GRIP2: variants seen among roughly 807,000 people sequenced by gnomAD.
The protein encoded by GRIP2 is glutamate receptor-interacting protein 2.
GRIP2 carries 58 observed loss-of-function variants against 108.3 expected under a neutral mutation model. The ratio of observed to expected loss-of-function variants is 0.54; its 90% confidence interval spans 0.43 to 0.67. GRIP2 has a LOEUF of 0.67. GRIP2 is among the 30% of genes least tolerant of loss of function. The pLI, the probability that GRIP2 is intolerant of heterozygous loss-of-function variation, is 0.00. For synonymous variants in GRIP2, 586 were observed against 598.2 expected, an observed-to-expected ratio of 0.98 and a Z score of 0.30; for missense variants, 1,278 against 1,430.6, an observed-to-expected ratio of 0.89 and a Z score of 1.72.
Position 14,517,839 on chromosome 3 carries a change from G to A in GRIP2, c.1089C>T (p.His363=). Residue 363 remains histidine, a synonymous_variant, in exon 10 of 24, where the codon CAC becomes CAT. Coordinates refer to ENST00000621039, the MANE Select transcript of GRIP2 (RefSeq NM_001080423.4). The part of the protein sequence containing the change: ...HRWDPCVPSC[H]SPRPGHCRMP... The stretch of plus-strand genomic sequence containing the variant: ...TCCTGCAGTGGCCGGGCCGGGGGCT[G>A]TGGCAGGAGGGCACGCAGGGGTCCC... 3.1e-6 allele frequency: 5 copies of A among 1,603,974 alleles called. No individual in the cohort carries two copies. Among genetic ancestry groups the A allele is most frequent in the Non-Finnish European group, 3.4e-6 (4 of 1,175,860 alleles).
the GRIP2 span, among the ~76,000 whole-genome samples, chr3:14,581,547 C>G: frequency 1.3e-5 from 2 of 152,362 alleles, no homozygotes; most frequent in East Asian, 3.9e-4. Context: ...GCACGTGACC[C>G]CACACTGTCC....
chr3:14,549,293 A>G (rs1695105614), intron 1 of GRIP2, among the ~76,000 whole-genome samples: 1 of 152,164 alleles, frequency 6.6e-6, no homozygotes, highest in African/African-American at 2.4e-5. Context: ...CATAAATGGG[A>G]GCTCACCACC....
chr3:14,555,405 G>T (rs983465746), intron 1 of GRIP2, among the ~76,000 whole-genome samples: 2 of 152,114 alleles, frequency 1.3e-5, no homozygotes, highest in African/African-American at 4.8e-5. Flanking sequence ...GGCGATGAAG[G>T]AGACACACAG....
At chr3:14,509,473 G>C (rs1316801721) in intron 17 of GRIP2, among the ~76,000 whole-genome samples, 1 of 152,216 alleles carries the variant, frequency 6.6e-6, no homozygotes, top group Admixed American at 6.5e-5. Context: ...AGGGTACTGG[G>C]GCACTGCCCC....
At position 14,512,377 on chromosome 3, in the gene GRIP2, A is replaced by G. The variant is rs1422680591; in HGVS notation, c.1720+400T>C. The stretch of plus-strand genomic sequence containing the variant: ...TCTACGTTTTTCTTCTGCATTCCTC[A>G]TTTTCATTCCTTTGACAAACATGAA... On this transcript the variant is annotated intron_variant, in intron 14 of 23. Transcript: ENST00000621039. This position sits in a 1 kb window ranked among gnomAD's most constrained non-coding sequence, Gnocchi z 5.1. Among the ~76,000 whole-genome samples the G allele has an allele frequency of 2.0e-5, 3 of 152,056 alleles. No homozygotes were observed. Among genetic ancestry groups the G allele is most frequent in the Non-Finnish European group, 4.4e-5 (3 of 67,996 alleles).
At chr3:14,582,972 G>A in the GRIP2 span, among the ~76,000 whole-genome samples, 1 of 152,214 alleles carries the variant, frequency 6.6e-6, no homozygotes, top group East Asian at 1.9e-4. Context: ...GAGTGAATGA[G>A]TGAACAAGTC....
At position 14,493,414 on chromosome 3, in the gene GRIP2, G is replaced by T. The variant is rs189495110; in HGVS notation, c.*251C>A. ...CCTGTGCCAACCCTTCTTAAGGGAGGCTCCTCTGGGCATCTTGGAGACCCA... is the reference window on the plus strand; with the variant it reads ...CCTGTGCCAACCCTTCTTAAGGGAGTCTCCTCTGGGCATCTTGGAGACCCA... On this transcript the variant is annotated 3_prime_UTR_variant, in exon 24 of 24. Transcript: ENST00000621039. 1.6e-3 allele frequency: 796 copies of T among 501,034 alleles called. 2 individuals are homozygous for T. Among genetic ancestry groups the T allele is most frequent in the Non-Finnish European group, 2.4e-3 (675 of 283,368 alleles). 31.0% of individuals were successfully genotyped at this position (501,034 alleles called of 1,614,324 possible).
intron 21 of GRIP2, among the ~76,000 whole-genome samples, chr3:14,498,271 G>A (rs551480854): frequency 1.3e-5 from 2 of 152,186 alleles, no homozygotes; most frequent in East Asian, 1.9e-4. Flanking sequence ...AGACCAACCT[G>A]GGCAAACATA....
the GRIP2 span, among the ~76,000 whole-genome samples, chr3:14,584,274 T>G: frequency 6.6e-6 from 1 of 152,178 alleles, no homozygotes; most frequent in Non-Finnish European, 1.5e-5. Flanking sequence ...CTCTTGGCCC[T>G]TCTCTATTGA....
In GRIP2 at chr3:14,525,681, T is replaced by C. The variant is rs185453814; in HGVS notation, c.122-109A>G. 4 of 1,385,404 alleles carry C rather than the reference T, an allele frequency of 2.9e-6. No individual in the cohort carries two copies. The Admixed American group carries it at 5.4e-5, about 19-fold the overall frequency. The allele number at this position is 1,385,404 out of a possible 1,614,324, so 85.8% of individuals were successfully genotyped here. A position where few individuals can be genotyped will look rare whatever the true frequency, so the allele number is the denominator to read the frequency against. The stretch of plus-strand genomic sequence containing the variant: ...CTGGTTGGTAGGGCACTCTGCTGCA[T>C]TGCCCTGGGTGATGATCACCTCCTT... On this transcript the variant is annotated intron_variant, in intron 2 of 23. Transcript: ENST00000621039.
intron 17 of GRIP2, among the ~76,000 whole-genome samples, chr3:14,508,508 G>C (rs1693991762): frequency 6.6e-6 from 1 of 152,168 alleles, no homozygotes; most frequent in Admixed American, 6.5e-5. Flanking sequence ...TAACCTCTGG[G>C]GCTGTAGATG....
At chr3:14,562,799 C>A in the GRIP2 span, among the ~76,000 whole-genome samples, 1 of 152,168 alleles carries the variant, frequency 6.6e-6, no homozygotes, top group Non-Finnish European at 1.5e-5. Flanking sequence ...AACTACGTGG[C>A]ATTACGTGCG....
the GRIP2 span, among the ~76,000 whole-genome samples, chr3:14,581,619 G>A: frequency 1.3e-5 from 2 of 152,218 alleles, no homozygotes; most frequent in African/African-American, 4.8e-5. Context: ...CCACTGGAAG[G>A]TAGAATGATA....
chr3:14,566,906 T>C, the GRIP2 span, among the ~76,000 whole-genome samples: 25 of 152,262 alleles, frequency 1.6e-4, no homozygotes, highest in Admixed American at 5.2e-4. Flanking sequence ...TTTCTGATTA[T>C]TGGAGGTGGG....
At chr3:14,548,097 G>A (rs1050961224) in intron 1 of GRIP2, among the ~76,000 whole-genome samples, 1 of 152,202 alleles carries the variant, frequency 6.6e-6, no homozygotes, top group African/African-American at 2.4e-5. Flanking sequence ...CACGCCTTGA[G>A]GGACAAAGAA....
Position 14,514,424 on chromosome 3 carries a change from GTC to G in GRIP2, c.1359_1360del (p.Glu453AspfsTer40). On this transcript the variant is annotated frameshift_variant, in exon 12 of 24. Coordinates refer to ENST00000621039, the MANE Select transcript of GRIP2 (RefSeq NM_001080423.4). LOFTEE classifies it high-confidence loss of function. Reference sequence around the variant, plus strand: ...GTCTCCACAGAGCACGACCTCCGTGGTCTCCGTGTGCACAATCTGCCCGCCCG... The same window carrying G: ...GTCTCCACAGAGCACGACCTCCGTGGTCCGTGTGCACAATCTGCCCGCCCG... 6.3e-7 allele frequency: 1 copy of G among 1,576,908 alleles called. No homozygotes were observed. The highest frequency in any genetic ancestry group is 8.6e-7 in the Non-Finnish European group (1 of 1,162,854).
rs560641782 is a variant in GRIP2, at chr3:14,523,648, A to T, written c.454T>A (p.Tyr152Asn). Residue 152 changes from tyrosine to asparagine, a missense_variant, in exon 5 of 24, where the codon TAC becomes AAC. Tyr to Asn is a moderately radical substitution (Grantham distance 143). Coordinates refer to ENST00000621039, the MANE Select transcript of GRIP2 (RefSeq NM_001080423.4). ...AAGCCAAAGCTATTGCCCTCCTTGT[A>T]GAGGGAGACGTCCACTGTCTTTGAA... Reference protein sequence around the residue: ...IISKTVDVSLYKEGNSFGFVL... With the variant: ...IISKTVDVSLNKEGNSFGFVL... 1 of 1,612,354 alleles carries T rather than the reference A, an allele frequency of 6.2e-7. No individual in the cohort carries two copies. The highest frequency in any genetic ancestry group is 8.5e-7 in the Non-Finnish European group (1 of 1,179,246).
Position 14,496,402 on chromosome 3 carries a change from A to AC in GRIP2, c.2823+14dup. The AC allele has an allele frequency of 6.3e-7, 1 of 1,598,990 alleles. No homozygotes were observed. Among genetic ancestry groups the AC allele is most frequent in the Non-Finnish European group, 8.5e-7 (1 of 1,170,400 alleles). The stretch of plus-strand genomic sequence containing the variant: ...ACACAGGTCCAGGTCTCCTGTGCTC[A>AC]CCCCCTGTGCCTACCTTGTGCATCT... On this transcript the variant is annotated intron_variant, in intron 22 of 23. Coordinates refer to ENST00000621039, the MANE Select transcript of GRIP2 (RefSeq NM_001080423.4).
At chr3:14,585,474 A>G in the GRIP2 span, among the ~76,000 whole-genome samples, 10 of 152,256 alleles carry the variant, frequency 6.6e-5, no homozygotes, top group African/African-American at 1.9e-4. Context: ...AGGGCAGTTC[A>G]GAGCAGACAC....
Sources: allele counts gnomAD v4.1 joint callset (sites outside exome capture counted in the v4.1 genomes callset), GRCh38; gene constraint gnomAD v4.1.1; non-coding constraint Gnocchi (gnomAD v3.1); transcripts MANE v1.5; gene names NCBI Gene and HGNC (gene_info 2026-07-23, HGNC 2026-07-21).